The following LCK variants were observed in gnomAD, a reference collection of about 807,000 sequenced individuals.
LCK encodes the protein LCK proto-oncogene, Src family tyrosine kinase.
Under a neutral mutation model 64.6 loss-of-function variants are expected in LCK, and 14 were observed. That is an observed-to-expected ratio of 0.22 (90% CI 0.14 to 0.34). The LOEUF is 0.34. Among genes scored for constraint, LCK ranks in the 10% least tolerant of loss-of-function variants. LCK has a pLI of 1.00. For missense variants in LCK, 434 were observed against 668.1 expected, an observed-to-expected ratio of 0.65 and a Z score of 3.86; for synonymous variants, 277 against 263.6, an observed-to-expected ratio of 1.05 and a Z score of -0.49.
In LCK at chr1:32,274,390, G is replaced by A; in HGVS notation, c.61G>A (p.Glu21Lys). ...CTGGATGGAAAACATCGATGTGTGT[G>A]AGAACTGCCATTATCCCATAGTCCC... is the stretch of plus-strand genomic sequence containing the variant. ...DDWMENIDVC[E>K]NCHYPIVPLD... Residue 21 changes from glutamate to lysine, a missense_variant, in exon 2 of 13, where the codon GAG (glutamate) becomes AAG (lysine). Glu to Lys is a moderately conservative substitution (Grantham distance 56, BLOSUM62 1). This residue lies in a region of LCK where 233 missense variants were observed against 291.2 expected (regional missense o/e 0.80). Coordinates refer to ENST00000336890, the MANE Select transcript of LCK (RefSeq NM_005356.5). 6.2e-7 allele frequency: 1 copy of A among 1,614,096 alleles called. No homozygotes were observed. The highest frequency in any genetic ancestry group is 1.1e-5 in the South Asian group (1 of 91,082).
chr1:32,254,974 C>T (rs914277043), intron 1 of LCK, among the ~76,000 whole-genome samples: 9 of 152,120 alleles, frequency 5.9e-5, no homozygotes, highest in African/African-American at 1.7e-4. Context: ...CATAGGCAGA[C>T]CCCATCTCTA....
At position 32,276,009 on chromosome 1, in the gene LCK, A is replaced by G. The variant is rs2124356737; in HGVS notation, c.577A>G (p.Ile193Val). The G allele has an allele frequency of 6.2e-7, 1 of 1,614,034 alleles. No homozygotes were observed. The highest frequency in any genetic ancestry group is 8.5e-7 in the Non-Finnish European group (1 of 1,179,972). ...IRNLDNGGFY[I>V]SPRITFPGLH... ...TAATCTGGACAACGGTGGCTTCTAC[A>G]TCTCCCCTCGAATCACTTTTCCCGG... Residue 193 changes from isoleucine to valine, a missense_variant, in exon 7 of 13, where the codon ATC becomes GTC. By Grantham distance (29) the Ile-to-Val change is conservative. Transcript: ENST00000336890. The surrounding 1 kb of genome is among the most constrained non-coding windows in gnomAD (Gnocchi z 4.6).
chr1:32,265,758 C>T (rs1227005551), intron 1 of LCK, among the ~76,000 whole-genome samples: 1 of 152,090 alleles, frequency 6.6e-6, no homozygotes, highest in Non-Finnish European at 1.5e-5. Flanking sequence ...ACCTAGATTC[C>T]TTCTGCTTCT....
At chr1:32,258,457 G>A (rs2124308809) in intron 1 of LCK, among the ~76,000 whole-genome samples, 1 of 148,338 alleles carries the variant, frequency 6.7e-6, no homozygotes, top group South Asian at 2.2e-4. Flanking sequence ...GTGACAGAGT[G>A]AGATGTGAGA....
Position 32,275,619 on chromosome 1 carries a change from C to T in LCK, c.428C>T (p.Ala143Val). 2 of 1,573,420 alleles carry T rather than the reference C, an allele frequency of 1.3e-6. No homozygotes were observed. The highest frequency in any genetic ancestry group is 1.2e-5 in the South Asian group (1 of 86,226). The change falls in exon 6 of 13, where the codon GCG becomes GTG. Residue 143 changes from alanine to valine, a missense_variant. Physicochemically the swap from Ala to Val is moderately conservative, Grantham distance 64. Transcript: ENST00000336890. The surrounding 1 kb of genome is among the most constrained non-coding windows in gnomAD (Gnocchi z 6.9). ...SRKDAERQLLAPGNTHGSFLI... is the reference protein window; with the variant it reads ...SRKDAERQLLVPGNTHGSFLI... ...AAGGACGCGGAGCGGCAGCTCCTGG[C>T]GCCCGGGAACACTCACGGCTCCTTC...
In LCK at chr1:32,274,834, A is replaced by G. The variant is rs757591068; in HGVS notation, c.187+16A>G. On this transcript the variant is annotated intron_variant, in intron 3 of 12. Coordinates refer to ENST00000336890, the MANE Select transcript of LCK (RefSeq NM_005356.5). ...CCACTGCAAGGTGACCCCAGGCAGC[A>G]GGGCCTGAAAGACAAGGCCTGCGGA... is the stretch of plus-strand genomic sequence containing the variant. 2 of 1,614,012 alleles carry G rather than the reference A, an allele frequency of 1.2e-6. No individual in the cohort carries two copies. The highest frequency in any genetic ancestry group is 1.7e-6 in the Non-Finnish European group (2 of 1,179,920).
chr1:32,285,032 G>T (rs1276733169), intron 12 of LCK, among the ~76,000 whole-genome samples: 1 of 151,040 alleles, frequency 6.6e-6, no homozygotes, highest in Non-Finnish European at 1.5e-5. Flanking sequence ...AGGTGGGCAC[G>T]GTGGCTCACG....
rs189750816 is a variant in LCK at position 32,281,714 on chromosome 1, G to C, written c.1327+1504G>C. ...ATGCGGCACAGTGGCTAGATTTGTA[G>C]AAGCTTCCCATATCCCCAGAGCAAG... is the stretch of plus-strand genomic sequence containing the variant. On this transcript the variant is annotated intron_variant, in intron 12 of 12. Transcript: ENST00000336890. Among the ~76,000 whole-genome samples the C allele has an allele frequency of 1.6e-3, 245 of 152,166 alleles. 1 individual carries two copies. The highest frequency in any genetic ancestry group is 5.7e-3 in the African/African-American group (235 of 41,504).
At chr1:32,284,304 AT>A (rs1040404007) in intron 12 of LCK, among the ~76,000 whole-genome samples, 7 of 148,672 alleles carry the variant, frequency 4.7e-5, no homozygotes, top group African/African-American at 1.7e-4. Flanking sequence ...AGATATATAT[AT>A]ATCTGTGAGA....
At chr1:32,278,570 C>T (rs1016065555) in intron 9 of LCK, among the ~76,000 whole-genome samples, 1 of 152,122 alleles carries the variant, frequency 6.6e-6, no homozygotes, top group African/African-American at 2.4e-5. Flanking sequence ...ATCTCCTGTC[C>T]TCAGGTGATC....
intron 1 of LCK, among the ~76,000 whole-genome samples, chr1:32,254,729 C>T (rs1169919663): frequency 6.6e-6 from 1 of 152,080 alleles, no homozygotes; most frequent in Non-Finnish European, 1.5e-5. Flanking sequence ...TCAGGCTGAT[C>T]TTGAACTCCC....
chr1:32,276,915 C>T lies in LCK; in HGVS notation c.964+129C>T. ...AGGGTTTCTTGAGCTTTCCTGCCCC[C>T]TGGAGACTCACCTCCAGCCGGGCGC... is the stretch of plus-strand genomic sequence containing the variant. On this transcript the variant is annotated intron_variant, in intron 9 of 12. Coordinates refer to ENST00000336890, the MANE Select transcript of LCK (RefSeq NM_005356.5). The surrounding 1 kb of genome is among the most constrained non-coding windows in gnomAD (Gnocchi z 4.6). 2.0e-6 allele frequency: 2 copies of T among 1,007,920 alleles called. No individual in the cohort carries two copies. The highest frequency in any genetic ancestry group is 2.8e-6 in the Non-Finnish European group (2 of 726,200). The allele number at this position is 1,007,920 out of a possible 1,614,324, so 62.4% of individuals were successfully genotyped here.
In LCK at chr1:32,278,120, A is replaced by G. The variant is rs143382023; in HGVS notation, c.964+1334A>G. On this transcript the variant is annotated intron_variant, in intron 9 of 12. Coordinates refer to ENST00000336890, the MANE Select transcript of LCK (RefSeq NM_005356.5). ...CTTGAGCCCAGGAGGTTGAGGCTGCACTGAGCTGTGATTGCACCACTGCAC... is the reference window on the plus strand; with the variant it reads ...CTTGAGCCCAGGAGGTTGAGGCTGCGCTGAGCTGTGATTGCACCACTGCAC... Among the ~76,000 whole-genome samples the G allele has an allele frequency of 2.5e-3, 376 of 152,298 alleles. 2 individuals are homozygous for G. Among genetic ancestry groups the G allele is most frequent in the African/African-American group, 8.6e-3 (356 of 41,582 alleles).
In LCK at chr1:32,285,660, A is replaced by G. The variant is rs746947432; in HGVS notation, c.1474A>G (p.Ser492Gly). ...EDRPTFDYLRSVLEDFFTATE... is the reference protein window; with the variant it reads ...EDRPTFDYLRGVLEDFFTATE... ...CCGGCCCACCTTTGACTACCTGCGC[A>G]GTGTGCTGGAGGACTTCTTCACGGC... is the stretch of plus-strand genomic sequence containing the variant. The change falls in exon 13 of 13, where the codon AGT (serine) becomes GGT (glycine). Residue 492 changes from serine (S) to glycine (G), a missense_variant. Physicochemically the swap from Ser to Gly is moderately conservative, Grantham distance 56. Around this residue, in one of 2 missense-constraint regions of LCK, gnomAD observed 201 missense variants for 376.9 expected, o/e 0.53. Transcript: ENST00000336890. 1.9e-6 allele frequency: 3 copies of G among 1,613,874 alleles called. No individual in the cohort carries two copies. Among genetic ancestry groups the G allele is most frequent in the Non-Finnish European group, 1.7e-6 (2 of 1,179,906 alleles).
chr1:32,274,971 C>CT, intron 3 of LCK, 22 bp from the exon 4 acceptor site: 1 of 1,614,234 alleles, frequency 6.2e-7, no homozygotes, highest in East Asian at 2.2e-5. Flanking sequence ...TCGGTTCTCC[C>CT]TGATGCCCCT....
rs780248771 is a variant in LCK at position 32,276,035 on chromosome 1, C to A, written c.603C>A (p.Gly201=). Residue 201 remains glycine, a synonymous_variant, in exon 7 of 13, where the codon GGC becomes GGA. Coordinates refer to ENST00000336890, the MANE Select transcript of LCK (RefSeq NM_005356.5). This position sits in a 1 kb window ranked among gnomAD's most constrained non-coding sequence, Gnocchi z 4.6. ...FYISPRITFP[G]LHELVRHYTN... ...TCTCCCCTCGAATCACTTTTCCCGG[C>A]CTGCATGAACTGGTCCGCCATTACA... 6.2e-7 allele frequency: 1 copy of A among 1,614,130 alleles called. No individual in the cohort carries two copies. Among genetic ancestry groups the A allele is most frequent in the Non-Finnish European group, 8.5e-7 (1 of 1,180,010 alleles).
intron 1 of LCK, among the ~76,000 whole-genome samples, chr1:32,272,552 GA>G (rs1277566946): frequency 1.6e-5 from 2 of 126,814 alleles, no homozygotes; most frequent in African/African-American, 6.0e-5. Flanking sequence ...CAGCCTGGGA[GA>G]GGAAGGGAGA....
chr1:32,255,804 T>A (rs10158306), intron 1 of LCK, among the ~76,000 whole-genome samples: 25,121 of 139,846 alleles, frequency 0.18, 2,294 homozygotes, highest in Middle Eastern at 0.23. Flanking sequence ...AAATTTATTT[T>A]TTTTTTTTTT....
chr1:32,252,480 A>G (rs1639531234), intron 1 of LCK, among the ~76,000 whole-genome samples: 1 of 152,102 alleles, frequency 6.6e-6, no homozygotes, highest in Non-Finnish European at 1.5e-5. Context: ...CTTGACACAC[A>G]CTTTCCGCCT....
Sources: gnomAD v4.1 joint callset for allele counts (sites outside exome capture counted in the v4.1 genomes callset) on GRCh38, gnomAD v4.1.1 for gene constraint, gnomAD v4.1.1 regional missense constraint, Gnocchi (gnomAD v3.1) non-coding constraint, MANE v1.5 for transcripts, NCBI Gene and HGNC (gene_info 2026-07-23, HGNC 2026-07-21) for gene names.